MALRD1: variants seen among roughly 807,000 people sequenced by gnomAD.
MALRD1 encodes the protein MAM and LDL receptor class A domain containing 1, also known as MAM and LDL-receptor class A domain-containing protein 1.
A neutral mutation model predicts 242.1 loss-of-function variants in MALRD1; 247 were observed. The observed-to-expected ratio is 1.02, with a 90% CI of 0.92 to 1.13. The LOEUF (loss-of-function observed/expected upper bound fraction) is 1.13. MALRD1 is among the 50% of genes most tolerant of loss of function. The pLI, the probability that MALRD1 is intolerant of heterozygous loss-of-function variation, is 0.00. For synonymous variants in MALRD1, 995 were observed against 866.6 expected (o/e 1.15, Z -2.60); for missense variants, 2,989 against 2,533.1 (o/e 1.18, Z -3.86).
chr10:19,260,363 C>G (rs972042625), intron 19 of MALRD1, among the ~76,000 whole-genome samples: 3 of 152,114 alleles, frequency 2.0e-5, no homozygotes, highest in South Asian at 2.1e-4. Flanking sequence ...CTCTGTTTCA[C>G]GTGGTCCTAT....
chr10:19,507,780 A>T (rs528756967), intron 31 of MALRD1, among the ~76,000 whole-genome samples: 5 of 152,228 alleles, frequency 3.3e-5, no homozygotes, highest in Admixed American at 1.3e-4. Flanking sequence ...TGATGCTTCA[A>T]TCACCACATT....
At chr10:19,536,885 T>A (rs1834706577) in intron 32 of MALRD1, among the ~76,000 whole-genome samples, 1 of 152,194 alleles carries the variant, frequency 6.6e-6, no homozygotes, top group Non-Finnish European at 1.5e-5. Flanking sequence ...TGATAATTAC[T>A]CATCACCTGC....
chr10:19,264,121 G>C (rs552595372), intron 19 of MALRD1, among the ~76,000 whole-genome samples: 1 of 152,042 alleles, frequency 6.6e-6, no homozygotes, highest in Non-Finnish European at 1.5e-5. Flanking sequence ...TTCCTAATTT[G>C]TTTGGAGTTT....
intron 29 of MALRD1, 65 bp downstream of exon 29, chr10:19,450,555 AC>A: frequency 7.5e-7 from 1 of 1,341,720 alleles, no homozygotes. Flanking sequence ...TATTTTTGTT[AC>A]ACAAGTTTAC....
intron 29 of MALRD1, chr10:19,489,006 C>G (rs541810782): frequency 2.2e-6 from 1 of 455,816 alleles, no homozygotes; most frequent in Non-Finnish European, 4.4e-6. Context: ...CTATCCGGTT[C>G]TCCCACCATC....
At position 19,523,792 on chromosome 10, in the gene MALRD1, AG is replaced by A. The variant is rs1436681624; in HGVS notation, c.5321-7401del. On this transcript the variant is annotated intron_variant, in intron 31 of 39. Coordinates refer to ENST00000454679, the MANE Select transcript of MALRD1 (RefSeq NM_001142308.3). ...CTTGTGTTGGCATGCCACAACCAGA[AG>A]CTTCATTTTTGTATCAGATTAATGC... Among the ~76,000 whole-genome samples the A allele has an allele frequency of 2.0e-5, 3 of 151,774 alleles. No homozygotes were observed. The East Asian group carries it at 5.8e-4, about 30-fold the overall frequency.
At chr10:19,459,126 T>C (rs1378652040) in intron 29 of MALRD1, among the ~76,000 whole-genome samples, 2 of 152,076 alleles carry the variant, frequency 1.3e-5, no homozygotes, top group African/African-American at 4.8e-5. Context: ...GTTGCTTAAT[T>C]AATAAACAAA....
At chr10:19,448,722 AAATT>A (rs1287979502) in intron 28 of MALRD1, among the ~76,000 whole-genome samples, 1 of 152,020 alleles carries the variant, frequency 6.6e-6, no homozygotes, top group Non-Finnish European at 1.5e-5. Flanking sequence ...GATTTTTAGA[AAATT>A]AATTTTATCT....
chr10:19,412,590 G>C (rs149426927), intron 28 of MALRD1, among the ~76,000 whole-genome samples: 131 of 152,280 alleles, frequency 8.6e-4, no homozygotes, highest in African/African-American at 3.0e-3. Flanking sequence ...AACAAATGTA[G>C]GACCCTGGAA....
intron 29 of MALRD1, among the ~76,000 whole-genome samples, chr10:19,479,690 C>CA (rs953091262): frequency 3.3e-5 from 5 of 152,016 alleles, no homozygotes; most frequent in African/African-American, 1.2e-4. Context: ...AAATAGATCC[C>CA]AAAAAAACAT....
intron 32 of MALRD1, among the ~76,000 whole-genome samples, chr10:19,547,805 TATATATA>T (rs1564431686): frequency 3.9e-4 from 6 of 15,364 alleles, no homozygotes; most frequent in African/African-American, 1.2e-3. Flanking sequence ...TATATATATA[TATATATA>T]TATATATTTT....
At chr10:19,352,787 A>T (rs1018300362) in intron 26 of MALRD1, among the ~76,000 whole-genome samples, 1 of 152,186 alleles carries the variant, frequency 6.6e-6, no homozygotes, top group Non-Finnish European at 1.5e-5. Flanking sequence ...AACCTAAAAT[A>T]ACTTTTGATA....
chr10:19,243,073 T>TG (rs200159962), intron 18 of MALRD1, among the ~76,000 whole-genome samples: 1,971 of 143,974 alleles, frequency 0.014, 51 homozygotes, highest in African/African-American at 0.047. Flanking sequence ...CTTTTTTTTT[T>TG]TTGTGTGTGT....
chr10:19,581,440 A>G (rs1020395621), intron 33 of MALRD1, among the ~76,000 whole-genome samples: 1 of 148,376 alleles, frequency 6.7e-6, no homozygotes, highest in African/African-American at 2.5e-5. Context: ...TCATTGTTCA[A>G]TTCCCACCTA....
At chr10:19,315,023 A>G (rs11009416) in intron 21 of MALRD1, among the ~76,000 whole-genome samples, 7,475 of 137,818 alleles carry the variant, frequency 0.054, 731 homozygotes, top group African/African-American at 0.15. Context: ...ATATAAATAT[A>G]TAAATATAAT....
intron 29 of MALRD1, among the ~76,000 whole-genome samples, chr10:19,453,097 C>A (rs936621743): frequency 5.3e-5 from 8 of 152,068 alleles, no homozygotes; most frequent in Non-Finnish European, 1.0e-4. Context: ...TATTAACATG[C>A]CATATTCTCA....
At chr10:19,083,353 T>C (rs938017305) in intron 2 of MALRD1, among the ~76,000 whole-genome samples, 1 of 151,992 alleles carries the variant, frequency 6.6e-6, no homozygotes, top group Non-Finnish European at 1.5e-5. Context: ...TTTTCAGGTA[T>C]TTCCAGAGCA....
At chr10:19,473,969 T>A (rs924065656) in intron 29 of MALRD1, among the ~76,000 whole-genome samples, 4 of 152,186 alleles carry the variant, frequency 2.6e-5, no homozygotes, top group African/African-American at 9.7e-5. Context: ...TTTCTCCACA[T>A]CTTCACCAAC....
intron 38 of MALRD1, among the ~76,000 whole-genome samples, chr10:19,696,618 T>G (rs1231555856): frequency 6.6e-6 from 1 of 152,024 alleles, no homozygotes; most frequent in East Asian, 1.9e-4. Flanking sequence ...CCATTAAGAC[T>G]ATCTTGGTCC....
Sources: gnomAD v4.1 joint callset for allele counts (sites outside exome capture counted in the v4.1 genomes callset) on GRCh38, gnomAD v4.1.1 for gene constraint, MANE v1.5 for transcripts, NCBI Gene and HGNC (gene_info 2026-07-23, HGNC 2026-07-21) for gene names.